SLC14A2: variants seen among roughly 807,000 people sequenced by gnomAD.
SLC14A2 encodes solute carrier family 14 member 2.
A neutral mutation model predicts 104.6 loss-of-function variants in SLC14A2; 91 were observed. The ratio of observed to expected loss-of-function variants is 0.87; its 90% confidence interval spans 0.73 to 1.04. SLC14A2 has a LOEUF of 1.04. SLC14A2 is among the 50% of genes least tolerant of loss of function. SLC14A2 has a pLI of 0.00. For synonymous variants in SLC14A2, 476 were observed against 466.4 expected, an observed-to-expected ratio of 1.02 and a Z score of -0.27; for missense variants, 1,189 against 1,156.0, an observed-to-expected ratio of 1.03 and a Z score of -0.41.
chr18:45,212,458 C>A (rs1407265993), upstream of SLC14A2, among the ~76,000 whole-genome samples: 2 of 152,126 alleles, frequency 1.3e-5, no homozygotes, highest in Non-Finnish European at 2.9e-5. Flanking sequence ...CAATAGTAGG[C>A]ACCTCTTGCA....
chr18:45,194,780 G>A, the SLC14A2 span, among the ~76,000 whole-genome samples: 1 of 151,302 alleles, frequency 6.6e-6, no homozygotes, highest in African/African-American at 2.4e-5. Context: ...CGAGTAGCTG[G>A]GACTACAGGC....
upstream of SLC14A2, among the ~76,000 whole-genome samples, chr18:45,611,058 G>T (rs546868451): frequency 3.9e-4 from 60 of 152,244 alleles, no homozygotes; most frequent in South Asian, 1.7e-3. Context: ...GAGAACTAGG[G>T]CCCATCAGCT....
intron 1 of SLC14A2, among the ~76,000 whole-genome samples, chr18:45,453,020 C>T (rs1054682567): frequency 2.6e-5 from 4 of 152,176 alleles, no homozygotes; most frequent in Non-Finnish European, 4.4e-5. Flanking sequence ...TCTTAGAGAG[C>T]AAGATGAGGC....
chr18:45,400,587 G>A (rs984719186), intron 1 of SLC14A2, among the ~76,000 whole-genome samples: 1 of 152,138 alleles, frequency 6.6e-6, no homozygotes, highest in African/African-American at 2.4e-5. Flanking sequence ...TTTCTGTGGA[G>A]ATACTTTGAG....
At chr18:45,370,987 T>G (rs2085716808) in intron 1 of SLC14A2, among the ~76,000 whole-genome samples, 1 of 152,204 alleles carries the variant, frequency 6.6e-6, no homozygotes, top group Non-Finnish European at 1.5e-5. Flanking sequence ...AAGATCCGAT[T>G]GCCAATAGCT....
rs368161253 is a variant in SLC14A2, at chr18:45,682,508, G to C, written c.2752G>C (p.Asp918His). ...ASIITKYQAYDVS is the reference protein window; with the variant it reads ...ASIITKYQAYHVS ...AATCATAACAAAGTATCAGGCCTAC[G>C]ATGTCTCCTAAGTTTCCCTGTCTAA... is the stretch of plus-strand genomic sequence containing the variant. Residue 918 changes from aspartate (D) to histidine (H), a missense_variant, in exon 20 of 20, where the codon GAT becomes CAT. Transcript: ENST00000255226. The C allele has an allele frequency of 6.2e-7, 1 of 1,613,736 alleles. No homozygotes were observed. Among genetic ancestry groups the C allele is most frequent in the South Asian group, 1.1e-5 (1 of 91,064 alleles).
chr18:45,199,272 T>G, the SLC14A2 span, among the ~76,000 whole-genome samples: 1 of 152,152 alleles, frequency 6.6e-6, no homozygotes, highest in African/African-American at 2.4e-5. Flanking sequence ...AAGGCTCCTG[T>G]GTCTTTAATT....
chr18:45,604,062 A>T (rs891881555), intron 2 of SLC14A2, among the ~76,000 whole-genome samples: 2 of 152,244 alleles, frequency 1.3e-5, no homozygotes, highest in Non-Finnish European at 2.9e-5. Flanking sequence ...CTGCAACAGG[A>T]ATAAGCTGAT....
chr18:45,623,841 C>G (rs1385435191), intron 1 of SLC14A2, among the ~76,000 whole-genome samples: 1 of 152,096 alleles, frequency 6.6e-6, no homozygotes, highest in Non-Finnish European at 1.5e-5. Flanking sequence ...CCAAAACCAC[C>G]TCTCAAATAA....
intron 2 of SLC14A2, among the ~76,000 whole-genome samples, chr18:45,560,102 C>A (rs966818189): frequency 2.0e-5 from 3 of 152,192 alleles, no homozygotes; most frequent in African/African-American, 7.2e-5. Flanking sequence ...TCGTCATCTG[C>A]CTATTCATTC....
At chr18:45,386,200 C>T (rs998378120) in intron 1 of SLC14A2, among the ~76,000 whole-genome samples, 2 of 152,116 alleles carry the variant, frequency 1.3e-5, no homozygotes, top group African/African-American at 4.8e-5. Context: ...CTACATCTGT[C>T]TAGCTGGAGT....
chr18:45,353,005 G>C (rs1051858522), intron 1 of SLC14A2, among the ~76,000 whole-genome samples: 1 of 152,194 alleles, frequency 6.6e-6, no homozygotes, highest in African/African-American at 2.4e-5. Context: ...AGCTGGATTG[G>C]TTACAGGTTG....
chr18:45,655,954 C>G (rs1469023947), intron 10 of SLC14A2, among the ~76,000 whole-genome samples: 1 of 152,228 alleles, frequency 6.6e-6, no homozygotes, highest in Non-Finnish European at 1.5e-5. Flanking sequence ...TGCTTCCTAA[C>G]TGATCAGCTG....
intron 1 of SLC14A2, among the ~76,000 whole-genome samples, chr18:45,238,681 T>C (rs60170382): frequency 0.12 from 18,901 of 152,166 alleles, 1,351 homozygotes; most frequent in African/African-American, 0.2. Flanking sequence ...GATAGGTAGA[T>C]AGATAATAAA....
At chr18:45,568,078 C>T (rs2044292997) in intron 2 of SLC14A2, among the ~76,000 whole-genome samples, 1 of 152,234 alleles carries the variant, frequency 6.6e-6, no homozygotes, top group Non-Finnish European at 1.5e-5. Context: ...AAGTGCCCAG[C>T]TCCCAATCCT....
At position 45,624,787 on chromosome 18, in the gene SLC14A2, G is replaced by T. The variant is rs1227650314; in HGVS notation, c.123G>T (p.Leu41=). 5 of 1,611,766 alleles carry T rather than the reference G, an allele frequency of 3.1e-6. No homozygotes were observed. The highest frequency in any genetic ancestry group is 4.2e-6 in the Non-Finnish European group (5 of 1,179,076). ...PSTSPDTHPA[L]PLLEMPEEKD... The stretch of plus-strand genomic sequence containing the variant: ...CATCCCCGGATACTCACCCAGCTCT[G>T]CCCCTCCTGGAAATGCCTGAAGAAA... Residue 41 remains leucine (L), a synonymous_variant, in exon 2 of 20, where the codon CTG becomes CTT. Coordinates refer to ENST00000255226, the MANE Select transcript of SLC14A2 (RefSeq NM_007163.4).
chr18:45,488,569 C>T (rs942352320), intron 2 of SLC14A2, among the ~76,000 whole-genome samples: 27 of 152,186 alleles, frequency 1.8e-4, no homozygotes, highest in African/African-American at 5.5e-4. Flanking sequence ...TTCTGTGTTA[C>T]AGTAAGCAGG....
At chr18:45,359,211 C>T (rs1416652438) in intron 1 of SLC14A2, among the ~76,000 whole-genome samples, 1 of 152,164 alleles carries the variant, frequency 6.6e-6, no homozygotes, top group Non-Finnish European at 1.5e-5. Context: ...CTCAGGTCCC[C>T]TTTTTATAGG....
At position 45,624,828 on chromosome 18, in the gene SLC14A2, C is replaced by A. The variant is rs2045234455; in HGVS notation, c.150+14C>A. ...CCTGAAGAAAAGGTGAGAAGTGTCC[C>A]TCCTAGGATGTTTCCTGGGAGGGAG... On this transcript the variant is annotated intron_variant, in intron 2 of 19. Transcript: ENST00000255226. 6.3e-7 allele frequency: 1 copy of A among 1,590,982 alleles called. No homozygotes were observed. The highest frequency in any genetic ancestry group is 1.3e-5 in the African/African-American group (1 of 74,204).
Sources: allele counts gnomAD v4.1 joint callset (sites outside exome capture counted in the v4.1 genomes callset), GRCh38; gene constraint gnomAD v4.1.1; transcripts MANE v1.5; gene names NCBI Gene and HGNC (gene_info 2026-07-23, HGNC 2026-07-21).